ALK: variants seen among roughly 807,000 people sequenced by gnomAD.
ALK encodes the protein ALK receptor tyrosine kinase, also known as ALK tyrosine kinase receptor.
ALK carries 74 observed loss-of-function variants against 163.1 expected under a neutral mutation model. That is an observed-to-expected ratio of 0.45 (90% CI 0.38 to 0.55). The LOEUF is 0.55. Ranked by LOEUF, ALK falls within the 20% of genes least tolerant of loss-of-function variation. The pLI is 0.00. For missense variants in ALK, 2,063 were observed against 2,105.3 expected (o/e 0.98, Z 0.39); for synonymous variants, 960 against 843.2 (o/e 1.14, Z -2.40).
At chr2:29,796,485 A>T (rs960890945) in intron 1 of ALK, among the ~76,000 whole-genome samples, 1 of 152,250 alleles carries the variant, frequency 6.6e-6, no homozygotes, top group Non-Finnish European at 1.5e-5. Context: ...TGTAATAAGA[A>T]TGAATTGATT....
chr2:29,715,209 G>A (rs914703765), intron 2 of ALK, among the ~76,000 whole-genome samples: 4 of 152,216 alleles, frequency 2.6e-5, no homozygotes, highest in Non-Finnish European at 4.4e-5. Flanking sequence ...GCCCACCATA[G>A]TCAGTTAAGG....
At chr2:29,543,960 C>T (rs1673482269) in intron 3 of ALK, among the ~76,000 whole-genome samples, 1 of 152,182 alleles carries the variant, frequency 6.6e-6, no homozygotes, top group Admixed American at 6.5e-5. Context: ...TGAGTGAGAA[C>T]ATAAATACAC....
chr2:29,634,293 A>G (rs1181693851), intron 3 of ALK, among the ~76,000 whole-genome samples: 1 of 152,270 alleles, frequency 6.6e-6, no homozygotes, highest in East Asian at 1.9e-4. Flanking sequence ...TATTACTCCA[A>G]AACCAAAATC....
rs749513068 is a variant in ALK at position 29,297,006 on chromosome 2, CCAAGGA to C, written c.1693_1698del (p.Ser565_Leu566del). The C allele has an allele frequency of 6.2e-7, 1 of 1,614,064 alleles. No homozygotes were observed. Among genetic ancestry groups the C allele is most frequent in the Non-Finnish European group, 8.5e-7 (1 of 1,180,040 alleles). On this transcript the variant is annotated inframe_deletion, in exon 9 of 29. Coordinates refer to ENST00000389048, the MANE Select transcript of ALK (RefSeq NM_004304.5). ...TTCCCGGTTTTGTTCTCCACTAGCA[CCAAGGA>C]CACGTTTCCCCTCAAGACTCCACGA...
At chr2:29,525,705 A>T (rs969993051) in intron 4 of ALK, among the ~76,000 whole-genome samples, 5 of 149,046 alleles carry the variant, frequency 3.4e-5, no homozygotes, top group African/African-American at 1.2e-4. Flanking sequence ...CAGGAAAATC[A>T]CTTGAACCCA....
chr2:29,343,105 C>T (rs1667844577), intron 5 of ALK, among the ~76,000 whole-genome samples: 1 of 151,274 alleles, frequency 6.6e-6, no homozygotes, highest in South Asian at 2.1e-4. Flanking sequence ...CCAGGATGGT[C>T]TCGATCTCCT....
chr2:29,357,851 A>G (rs1014517491), intron 5 of ALK, among the ~76,000 whole-genome samples: 4 of 152,230 alleles, frequency 2.6e-5, no homozygotes, highest in African/African-American at 9.6e-5. Flanking sequence ...ATGAGGTTGT[A>G]TCTCAAAAAC....
chr2:29,705,113 G>A (rs1161539624), intron 2 of ALK, among the ~76,000 whole-genome samples: 1 of 150,766 alleles, frequency 6.6e-6, no homozygotes, highest in East Asian at 2.0e-4. Context: ...AGCTGCTCGG[G>A]AGGCTGAGGC....
intron 1 of ALK, among the ~76,000 whole-genome samples, chr2:29,860,265 ACCT>A (rs1157611153): frequency 6.6e-6 from 1 of 152,012 alleles, no homozygotes; most frequent in Non-Finnish European, 1.5e-5. Flanking sequence ...TTTTTGTGGT[ACCT>A]CTCAAATCCT....
At chr2:29,445,429 G>C (rs1015275151) in intron 4 of ALK, among the ~76,000 whole-genome samples, 1 of 152,182 alleles carries the variant, frequency 6.6e-6, no homozygotes, top group African/African-American at 2.4e-5. Context: ...TGCATCACAG[G>C]CTGGGTAACG....
At chr2:29,333,160 G>C (rs1667499530) in intron 5 of ALK, among the ~76,000 whole-genome samples, 1 of 151,988 alleles carries the variant, frequency 6.6e-6, no homozygotes, top group South Asian at 2.1e-4. Context: ...CTGTGGCCTA[G>C]GCTGGAGTGC....
At chr2:29,653,007 C>T (rs1033960295) in intron 3 of ALK, among the ~76,000 whole-genome samples, 5 of 152,112 alleles carry the variant, frequency 3.3e-5, no homozygotes, top group African/African-American at 1.2e-4. Flanking sequence ...GCAGAGGTTC[C>T]TAAGGCTTGG....
chr2:29,459,559 T>A (rs1671036441), intron 4 of ALK, among the ~76,000 whole-genome samples: 2 of 145,662 alleles, frequency 1.4e-5, no homozygotes, highest in African/African-American at 5.0e-5. Flanking sequence ...ATGTTCTAGC[T>A]AATGATTTTT....
At chr2:29,695,667 GA>G (rs956877730) in intron 2 of ALK, among the ~76,000 whole-genome samples, 1 of 151,134 alleles carries the variant, frequency 6.6e-6, no homozygotes, top group African/African-American at 2.4e-5. Context: ...AAATTTACCA[GA>G]AAAAAAACAA....
intron 5 of ALK, among the ~76,000 whole-genome samples, chr2:29,345,788 C>A (rs780369784): frequency 4.6e-5 from 7 of 152,092 alleles, no homozygotes; most frequent in Middle Eastern, 3.4e-3. Context: ...TTTGAAGAAC[C>A]CTTATTAACA....
intron 3 of ALK, among the ~76,000 whole-genome samples, chr2:29,661,630 A>G (rs1036375154): frequency 6.6e-6 from 1 of 152,184 alleles, no homozygotes; most frequent in Non-Finnish European, 1.5e-5. Flanking sequence ...ATGACTGTCT[A>G]TTTGCATGGC....
intron 3 of ALK, among the ~76,000 whole-genome samples, chr2:29,650,701 C>G (rs1332865832): frequency 1.3e-5 from 2 of 152,096 alleles, no homozygotes; most frequent in Admixed American, 6.5e-5. Flanking sequence ...AGTAACCATA[C>G]CCGATGAGGT....
At chr2:29,217,802 G>GAATC (rs1669682078) in intron 23 of ALK, among the ~76,000 whole-genome samples, 1 of 152,104 alleles carries the variant, frequency 6.6e-6, no homozygotes, top group Admixed American at 6.5e-5. Context: ...TCCAACAAGC[G>GAATC]AATCAGGTGG....
chr2:29,772,308 A>G (rs908092443), intron 1 of ALK, among the ~76,000 whole-genome samples: 1 of 152,190 alleles, frequency 6.6e-6, no homozygotes, highest in African/African-American at 2.4e-5. Context: ...ACAAAGCAAA[A>G]CCTCTAGGGA....
Sources: gnomAD v4.1 joint callset for allele counts (sites outside exome capture counted in the v4.1 genomes callset) on GRCh38, gnomAD v4.1.1 for gene constraint, MANE v1.5 for transcripts, NCBI Gene and HGNC (gene_info 2026-07-23, HGNC 2026-07-21) for gene names.